TCOF1: variants seen among roughly 807,000 people sequenced by gnomAD.
TCOF1 encodes treacle ribosome biogenesis factor 1.
A neutral mutation model predicts 149.0 loss-of-function variants in TCOF1; 33 were observed. The ratio of observed to expected loss-of-function variants is 0.22; its 90% CI spans 0.17 to 0.30. The LOEUF is 0.30. Among genes scored for constraint, TCOF1 ranks in the 10% least tolerant of loss-of-function variants. TCOF1 has a pLI of 1.00. For synonymous variants in TCOF1, 789 were observed against 738.8 expected, an observed-to-expected ratio of 1.07 and a Z score of -1.10; for missense variants, 1,728 against 1,840.7, an observed-to-expected ratio of 0.94 and a Z score of 1.12.
At position 150,368,841 on chromosome 5, in the gene TCOF1, G is replaced by T. The variant is rs949204601; in HGVS notation, c.504G>T (p.Thr168=). 8.7e-6 allele frequency: 14 copies of T among 1,614,046 alleles called. No homozygotes were observed. Among genetic ancestry groups the T allele is most frequent in the Non-Finnish European group, 1.0e-5 (12 of 1,180,042 alleles). The change falls in exon 5 of 27, where the codon ACG becomes ACT. Residue 168 remains threonine, a synonymous_variant. Transcript: ENST00000643257. The stretch of plus-strand genomic sequence containing the variant: ...CAGCAGAGCCCTCAGCAAATACTAC[G>T]TTGGTCTCAGAAACTGAGGAGGAGG... ...RKSAEPSANT[T]LVSETEEEGS...
chr5:150,365,972 T>G (rs113114056), intron 3 of TCOF1, among the ~76,000 whole-genome samples: 1 of 151,642 alleles, frequency 6.6e-6, no homozygotes, highest in African/African-American at 2.4e-5. Flanking sequence ...AATTTAAAAT[T>G]TAGCCAGGCA....
intron 17 of TCOF1, among the ~76,000 whole-genome samples, chr5:150,381,753 G>A (rs906352800): frequency 6.6e-6 from 1 of 152,200 alleles, no homozygotes; most frequent in Non-Finnish European, 1.5e-5. Flanking sequence ...GCTTAAATAA[G>A]GGGATTGACT....
intron 4 of TCOF1, 154 bp from the exon 5 acceptor site, chr5:150,368,562 A>T: frequency 2.5e-6 from 2 of 816,308 alleles, no homozygotes; most frequent in Non-Finnish European, 4.0e-6. Context: ...TGCTGTTTTT[A>T]ACCTCACTTT....
intron 19 of TCOF1, among the ~76,000 whole-genome samples, chr5:150,390,503 C>T (rs919961164): frequency 2.0e-5 from 3 of 152,188 alleles, no homozygotes; most frequent in Non-Finnish European, 2.9e-5. Flanking sequence ...CACATCCCCA[C>T]CCCAAGGGCT....
At chr5:150,383,194 CAGA>C (rs1412705960) in intron 17 of TCOF1, 1 of 1,526,962 alleles carries the variant, frequency 6.5e-7, no homozygotes. Flanking sequence ...CTTCTCTCTG[CAGA>C]TGCTGCAGGA....
At chr5:150,369,428 C>A in intron 5 of TCOF1, 101 bp from the exon 6 acceptor site, 2 of 1,397,622 alleles carry the variant, frequency 1.4e-6, no homozygotes, top group Non-Finnish European at 2.0e-6. Flanking sequence ...GAGCGCTCAG[C>A]ACCTGGCTTT....
intron 1 of TCOF1, among the ~76,000 whole-genome samples, chr5:150,358,200 C>T (rs1417006757): frequency 1.3e-5 from 2 of 151,884 alleles, no homozygotes; most frequent in Non-Finnish European, 2.9e-5. Context: ...CTCTGCGCGG[C>T]CCCCCCTGGG....
chr5:150,367,509 C>G (rs1277054267), intron 3 of TCOF1: 2 of 362,264 alleles, frequency 5.5e-6, no homozygotes. Flanking sequence ...GTGAATGGTG[C>G]CCATTGCAGT....
At chr5:150,365,476 G>A (rs1761135742) in intron 3 of TCOF1, among the ~76,000 whole-genome samples, 1 of 151,842 alleles carries the variant, frequency 6.6e-6, no homozygotes, top group Non-Finnish European at 1.5e-5. Flanking sequence ...AAGGTTTTTT[G>A]TTGTCCTACC....
chr5:150,368,002 G>C (rs917561337), intron 4 of TCOF1, 85 bp downstream of exon 4: 1 of 1,488,288 alleles, frequency 6.7e-7, no homozygotes, highest in Non-Finnish European at 9.3e-7. Flanking sequence ...AGAAGGATAG[G>C]GTTGTGAGTA....
chr5:150,377,532 T>A (rs948298975), intron 14 of TCOF1, among the ~76,000 whole-genome samples: 2 of 152,236 alleles, frequency 1.3e-5, no homozygotes, highest in African/African-American at 4.8e-5. Flanking sequence ...CTCTGTTTTT[T>A]TCTGTAACCA....
intron 17 of TCOF1, among the ~76,000 whole-genome samples, chr5:150,381,940 A>G (rs1382925125): frequency 6.6e-6 from 1 of 152,224 alleles, no homozygotes; most frequent in Non-Finnish European, 1.5e-5. Context: ...TCACACCTGT[A>G]ATCCCAGCAC....
chr5:150,396,426 C>T lies in TCOF1; in HGVS notation c.3929C>T (p.Ala1310Val). The T allele has an allele frequency of 6.2e-7, 1 of 1,614,012 alleles. No homozygotes were observed. Among genetic ancestry groups the T allele is most frequent in the East Asian group, 2.2e-5 (1 of 44,864 alleles). The stretch of plus-strand genomic sequence containing the variant: ...GGCCAACCCTGGCCCCTGAATGAGG[C>T]CCAGGTGCAGGCCTCAGTGGTGAAG... ...LLGQPWPLNE[A>V]QVQASVVKVL... Residue 1310 changes from alanine (A) to valine (V), a missense_variant, in exon 24 of 27, where the codon GCC becomes GTC. Ala to Val is a moderately conservative substitution (Grantham distance 64). Around this residue, in one of 2 missense-constraint regions of TCOF1, gnomAD observed 1,696 missense variants for 1,765.4 expected, o/e 0.96. Transcript: ENST00000643257.
At position 150,375,854 on chromosome 5, in the gene TCOF1, A is replaced by T. The variant is rs1195487354; in HGVS notation, c.1838A>T (p.Glu613Val). 6.2e-7 allele frequency: 1 copy of T among 1,614,210 alleles called. No homozygotes were observed. The highest frequency in any genetic ancestry group is 8.5e-7 in the Non-Finnish European group (1 of 1,180,038). ...ATGGACAACTCGGAGAGCAGCGAGG[A>T]GTCATCGGACAGTGCGGACAGTGAG... ...KPMDNSESSEESSDSADSEEA... is the reference protein window; with the variant it reads ...KPMDNSESSEVSSDSADSEEA... Residue 613 changes from glutamate to valine, a missense_variant, in exon 12 of 27, where the codon GAG becomes GTG. Around this residue, in one of 2 missense-constraint regions of TCOF1, gnomAD observed 1,696 missense variants for 1,765.4 expected, o/e 0.96. Coordinates refer to ENST00000643257, the MANE Select transcript of TCOF1 (RefSeq NM_001371623.1).
In TCOF1 at chr5:150,357,893, G is replaced by A. The variant is rs777845051; in HGVS notation, c.108+39G>A. ...GGCCGTGTGCGAGGGCCGCGTGCAA[G>A]ATGTGGAGATCAGCGGCCCGCGGCC... On this transcript the variant is annotated intron_variant, in intron 1 of 26. Transcript: ENST00000643257. The A allele has an allele frequency of 4.3e-5, 67 of 1,540,618 alleles. 1 individual carries two copies. The highest frequency in any genetic ancestry group is 5.8e-5 in the Non-Finnish European group (66 of 1,141,328).
At chr5:150,359,245 G>A (rs185649120) in intron 1 of TCOF1, among the ~76,000 whole-genome samples, 1 of 151,628 alleles carries the variant, frequency 6.6e-6, no homozygotes, top group East Asian at 1.9e-4. Flanking sequence ...TACTCGGGAG[G>A]CTGAGTCAGG....
chr5:150,399,693 A>C (rs950050783), intron 26 of TCOF1, 117 bp from the exon 27 acceptor site: 1 of 155,602 alleles, frequency 6.4e-6, no homozygotes, highest in Admixed American at 6.1e-5. Flanking sequence ...TCCAAGTGCT[A>C]AAAAATGTCC....
chr5:150,398,805 G>A (rs1377225097), intron 25 of TCOF1, among the ~76,000 whole-genome samples: 1 of 152,232 alleles, frequency 6.6e-6, no homozygotes, highest in Non-Finnish European at 1.5e-5. Context: ...CACGGCGCGG[G>A]GCCTTAGCAC....
At chr5:150,393,604 G>A (rs1342246585) in intron 23 of TCOF1, 52 bp downstream of exon 23, 1 of 1,611,338 alleles carries the variant, frequency 6.2e-7, no homozygotes, top group Non-Finnish European at 8.5e-7. Flanking sequence ...GGACAGGGCA[G>A]TGGGCCCCTT....
Sources: gnomAD v4.1 joint callset for allele counts (sites outside exome capture counted in the v4.1 genomes callset) on GRCh38, gnomAD v4.1.1 for gene constraint, gnomAD v4.1.1 regional missense constraint, MANE v1.5 for transcripts, NCBI Gene and HGNC (gene_info 2026-07-23, HGNC 2026-07-21) for gene names.